SCUBE2: variants seen among roughly 807,000 people sequenced by gnomAD.
SCUBE2 encodes signal peptide, CUB domain and EGF like domain containing 2.
Under a neutral mutation model 125.9 loss-of-function variants are expected in SCUBE2, and 114 were observed. The ratio of observed to expected loss-of-function variants is 0.91; its 90% CI spans 0.78 to 1.06. The LOEUF (loss-of-function observed/expected upper bound fraction) is 1.06, where lower values mean the gene tolerates loss of function less well. Among genes scored for constraint, SCUBE2 ranks in the 50% least tolerant of loss-of-function variants. SCUBE2 has a pLI of 0.00. For synonymous variants in SCUBE2, 459 were observed against 492.9 expected, an observed-to-expected ratio of 0.93 and a Z score of 0.91; for missense variants, 1,255 against 1,301.8, an observed-to-expected ratio of 0.96 and a Z score of 0.55.
At chr11:9,089,668 T>C in intron 2 of SCUBE2, 39 bp downstream of exon 2, 1 of 1,605,706 alleles carries the variant, frequency 6.2e-7, no homozygotes, top group Non-Finnish European at 8.5e-7. Flanking sequence ...AGGTAGGAGC[T>C]TCCCTACAGT....
At chr11:9,045,422 A>G (rs1455209512) in intron 16 of SCUBE2, among the ~76,000 whole-genome samples, 2 of 152,164 alleles carry the variant, frequency 1.3e-5, no homozygotes. Context: ...TCCCCCCAGG[A>G]GAGATGGAAG....
intron 12 of SCUBE2, 51 bp from the exon 13 acceptor site, chr11:9,052,883 TCCTG>T: frequency 7.1e-7 from 1 of 1,417,352 alleles, no homozygotes; most frequent in Non-Finnish European, 9.6e-7. Context: ...TCACAGGCTA[TCCTG>T]GTAGCAGCTA....
At chr11:9,037,142 A>G (rs538662888) in intron 16 of SCUBE2, among the ~76,000 whole-genome samples, 1 of 152,354 alleles carries the variant, frequency 6.6e-6, no homozygotes, top group African/African-American at 2.4e-5. Context: ...ATGTGCTGAG[A>G]ATCTGGCCTG....
rs1590070932 is a variant in SCUBE2 at position 9,052,737 on chromosome 11, G to T, written c.1534+9C>A. ...GCCCCCAGAGAGAACACGCAGATTT[G>T]GTAATTACCCCCAAAAGCAGAGTCA... On this transcript the variant is annotated intron_variant, in intron 13 of 22. Transcript: ENST00000649792. 6.5e-7 allele frequency: 1 copy of T among 1,530,396 alleles called. No individual in the cohort carries two copies. Among genetic ancestry groups the T allele is most frequent in the Non-Finnish European group, 8.8e-7 (1 of 1,140,736 alleles). 94.8% of individuals were successfully genotyped at this position (1,530,396 alleles called of 1,614,324 possible). A position where few individuals can be genotyped will look rare whatever the true frequency, so the allele number is the denominator to read the frequency against.
chr11:9,027,054 T>A, intron 20 of SCUBE2: 1 of 378,776 alleles, frequency 2.6e-6, no homozygotes, highest in Non-Finnish European at 4.9e-6. Context: ...GTATGAGGCC[T>A]TGTCTGGGGC....
In SCUBE2 at chr11:9,053,231, C is replaced by T. The variant is rs1210139116; in HGVS notation, c.1331-16G>A. 6.3e-7 allele frequency: 1 copy of T among 1,590,710 alleles called. No homozygotes were observed. The highest frequency in any genetic ancestry group is 1.1e-5 in the South Asian group (1 of 90,584). On this transcript the variant is annotated splice_polypyrimidine_tract_variant and intron_variant, in intron 11 of 22. Coordinates refer to ENST00000649792, the MANE Select transcript of SCUBE2 (RefSeq NM_001367977.2). The stretch of plus-strand genomic sequence containing the variant: ...CCCTTCACTTCTAGACAGGACAAAA[C>T]AGACACTTACAGAAAGAGAAGGACA...
At chr11:9,076,189 C>T (rs530656717) in intron 3 of SCUBE2, among the ~76,000 whole-genome samples, 1 of 152,026 alleles carries the variant, frequency 6.6e-6, no homozygotes, top group Non-Finnish European at 1.5e-5. Context: ...AGGAGACAGC[C>T]AGAGGTAGAA....
intron 2 of SCUBE2, among the ~76,000 whole-genome samples, chr11:9,085,355 T>C (rs764641973): frequency 3.3e-5 from 5 of 152,222 alleles, no homozygotes; most frequent in Non-Finnish European, 7.3e-5. Flanking sequence ...AGGGCATATA[T>C]ATACACAGAT....
At chr11:9,025,030 T>C (rs950725878) in intron 21 of SCUBE2, among the ~76,000 whole-genome samples, 5 of 152,200 alleles carry the variant, frequency 3.3e-5, no homozygotes, top group African/African-American at 1.2e-4. Context: ...GACTGTGTAG[T>C]CCTCCAGGAC....
chr11:9,084,820 T>A (rs577156737), intron 2 of SCUBE2, among the ~76,000 whole-genome samples: 1 of 152,334 alleles, frequency 6.6e-6, no homozygotes, highest in South Asian at 2.1e-4. Context: ...CATAGCTCAC[T>A]GCAAACTCCT....
intron 4 of SCUBE2, 144 bp from the exon 5 acceptor site, chr11:9,069,639 A>G: frequency 9.5e-7 from 1 of 1,047,294 alleles, no homozygotes; most frequent in Non-Finnish European, 1.4e-6. Context: ...ATATGTCATT[A>G]AAGTCAACCT....
In SCUBE2 at chr11:9,065,939, TGG is replaced by T. The variant is rs770399840; in HGVS notation, c.800_801del (p.Thr267AsnfsTer8). On this transcript the variant is annotated frameshift_variant, in exon 7 of 23. Coordinates refer to ENST00000649792, the MANE Select transcript of SCUBE2 (RefSeq NM_001367977.2). LOFTEE classifies it high-confidence loss of function. ...CGTTTATCCCCATCCACCACTGATG[TGG>T]TGTTGCTCTCTGTCACCTCCAGGAC... ...DTVLEVTESN[T>X]TSVVDGDKRV... 6.2e-7 allele frequency: 1 copy of T among 1,614,182 alleles called. No individual in the cohort carries two copies. Among genetic ancestry groups the T allele is most frequent in the Non-Finnish European group, 8.5e-7 (1 of 1,180,008 alleles).
At chr11:9,037,250 C>G (rs1856818763) in intron 16 of SCUBE2, among the ~76,000 whole-genome samples, 1 of 152,232 alleles carries the variant, frequency 6.6e-6, no homozygotes, top group Non-Finnish European at 1.5e-5. Context: ...GCCCCCAGAA[C>G]ACTTCACTAT....
intron 16 of SCUBE2, among the ~76,000 whole-genome samples, chr11:9,046,066 G>A (rs939422206): frequency 6.8e-6 from 1 of 147,442 alleles, no homozygotes; most frequent in African/African-American, 2.5e-5. Flanking sequence ...GAGTGCAGTG[G>A]CACGATCTCG....
chr11:9,071,508 A>G (rs1860800387), intron 4 of SCUBE2, among the ~76,000 whole-genome samples: 1 of 152,192 alleles, frequency 6.6e-6, no homozygotes, highest in African/African-American at 2.4e-5. Context: ...ACTTAATGCA[A>G]GACCACTGCT....
rs1260282357 is a variant in SCUBE2 at position 9,065,937 on chromosome 11, T to C, written c.804A>G (p.Thr268=). 1.2e-6 allele frequency: 2 copies of C among 1,614,042 alleles called. No individual in the cohort carries two copies. Among genetic ancestry groups the C allele is most frequent in the African/African-American group, 2.7e-5 (2 of 74,936 alleles). The change falls in exon 7 of 23, where the codon ACA becomes ACG. Residue 268 remains threonine (T), a synonymous_variant. Transcript: ENST00000649792. ...TVLEVTESNT[T]SVVDGDKRVK... ...CCCGTTTATCCCCATCCACCACTGA[T>C]GTGGTGTTGCTCTCTGTCACCTCCA...
intron 16 of SCUBE2, among the ~76,000 whole-genome samples, chr11:9,038,627 AC>A (rs770311020): frequency 1.3e-5 from 2 of 152,202 alleles, no homozygotes; most frequent in Non-Finnish European, 2.9e-5. Context: ...AAACAAACAA[AC>A]AAACAAACAC....
intron 16 of SCUBE2, among the ~76,000 whole-genome samples, chr11:9,041,207 A>T (rs1857209183): frequency 6.6e-6 from 1 of 152,226 alleles, no homozygotes; most frequent in South Asian, 2.1e-4. Context: ...TAGTGTAAGT[A>T]TATAGTTTAT....
chr11:9,088,832 A>G (rs1164809653), intron 2 of SCUBE2, among the ~76,000 whole-genome samples: 1 of 152,218 alleles, frequency 6.6e-6, no homozygotes, highest in Non-Finnish European at 1.5e-5. Context: ...GGCTGAGTAA[A>G]TATGAGAAAC....
Sources: allele counts gnomAD v4.1 joint callset (sites outside exome capture counted in the v4.1 genomes callset), GRCh38; gene constraint gnomAD v4.1.1; transcripts MANE v1.5; gene names NCBI Gene and HGNC (gene_info 2026-07-23, HGNC 2026-07-21).